The following BCR variants were observed in gnomAD, a reference collection of about 807,000 sequenced individuals.
BCR encodes BCR activator of RhoGEF and GTPase, also known as breakpoint cluster region protein.
In BCR, 58 loss-of-function variants were observed where a neutral mutation model predicts 138.6. That is an observed-to-expected ratio of 0.42 (90% CI 0.34 to 0.52). BCR has a LOEUF of 0.52. Ranked by LOEUF, BCR falls within the 20% of genes least tolerant of loss-of-function variation. BCR has a pLI of 0.06. For missense variants in BCR, 1,599 were observed against 1,727.2 expected (o/e 0.93, Z 1.32); for synonymous variants, 786 against 730.1 (o/e 1.08, Z -1.23).
intron 1 of BCR, among the ~76,000 whole-genome samples, chr22:23,214,831 A>G (rs1351376472): frequency 6.6e-6 from 1 of 152,206 alleles, no homozygotes; most frequent in Non-Finnish European, 1.5e-5. Context: ...TACATAATGT[A>G]AAATTTACCA....
intron 16 of BCR, among the ~76,000 whole-genome samples, chr22:23,296,150 G>A (rs991835204): frequency 1.1e-4 from 17 of 151,980 alleles, no homozygotes; most frequent in Middle Eastern, 3.2e-3. Flanking sequence ...CGAGGTGGGC[G>A]GATCACGAGG....
intron 4 of BCR, chr22:23,263,761 T>C: frequency 7.0e-7 from 1 of 1,425,932 alleles, no homozygotes. Flanking sequence ...GGGCATCATA[T>C]CATTGTGAGT....
At chr22:23,313,547 A>AG (rs1167516059) in intron 20 of BCR, among the ~76,000 whole-genome samples, 1 of 152,162 alleles carries the variant, frequency 6.6e-6, no homozygotes, top group African/African-American at 2.4e-5. Context: ...CAGGACGACG[A>AG]GGGGGTCTCT....
At chr22:23,273,012 C>G in intron 6 of BCR, 69 bp from the exon 7 acceptor site, 1 of 1,553,074 alleles carries the variant, frequency 6.4e-7, no homozygotes, top group African/African-American at 1.4e-5. Flanking sequence ...ACCCTTGCAC[C>G]GAGGGTGGTC....
At chr22:23,212,850 C>A (rs1382424716) in intron 1 of BCR, among the ~76,000 whole-genome samples, 1 of 152,244 alleles carries the variant, frequency 6.6e-6, no homozygotes, top group Non-Finnish European at 1.5e-5. Context: ...AAGCTGCACA[C>A]CCTGTTCTGA....
At chr22:23,223,431 T>G (rs533847788) in intron 1 of BCR, among the ~76,000 whole-genome samples, 23 of 152,278 alleles carry the variant, frequency 1.5e-4, no homozygotes, top group African/African-American at 4.8e-4. Flanking sequence ...TTGGGCTTTG[T>G]GTACATTTCT....
rs1162191150 is a variant in BCR at position 23,185,254 on chromosome 22, A to G, written c.1279+3015A>G. Among the ~76,000 whole-genome samples, 4 of 152,064 alleles carry G rather than the reference A, an allele frequency of 2.6e-5. No homozygotes were observed. The South Asian group carries it at 6.2e-4, about 24-fold the overall frequency. ...GTGGCCCTGCGGTGTTCTTCCCACT[A>G]CCCCACACTGCTACCTGCAAAGCAC... On this transcript the variant is annotated intron_variant, in intron 1 of 22. Coordinates refer to ENST00000305877, the MANE Select transcript of BCR (RefSeq NM_004327.4).
chr22:23,300,916 T>C (rs2073895956), intron 16 of BCR, among the ~76,000 whole-genome samples: 2 of 152,066 alleles, frequency 1.3e-5, no homozygotes. Flanking sequence ...GCAAGACACA[T>C]AAATAGAGCA....
chr22:23,301,907 G>A (rs929825447), intron 16 of BCR, among the ~76,000 whole-genome samples: 3 of 152,190 alleles, frequency 2.0e-5, no homozygotes, highest in African/African-American at 7.2e-5. Flanking sequence ...CACCCGACTT[G>A]GGTCCTCTTG....
rs1334859608 is a variant in BCR, at chr22:23,240,343, GTC to G, written c.1280-13454_1280-13453del. On this transcript the variant is annotated intron_variant, in intron 1 of 22. Coordinates refer to ENST00000305877, the MANE Select transcript of BCR (RefSeq NM_004327.4). ...TGTGTGTGTGTGTGTGTGTGTGTGT[GTC>G]TGTCTATGTGTGAAAATATACATAG... Among the ~76,000 whole-genome samples, 21 of 137,950 alleles carry G rather than the reference GTC, an allele frequency of 1.5e-4. 1 individual carries two copies. The South Asian group carries it at 3.2e-3, about 21-fold the overall frequency. The allele number at this position is 137,950 out of a possible 152,430, so 90.5% of individuals were successfully genotyped here. A position where few individuals can be genotyped will look rare whatever the true frequency, so the allele number is the denominator to read the frequency against.
In BCR at chr22:23,315,476, C is replaced by T. The variant is rs1602139738; in HGVS notation, c.3770C>T (p.Ala1257Val). 6.2e-7 allele frequency: 1 copy of T among 1,613,068 alleles called. No homozygotes were observed. The highest frequency in any genetic ancestry group is 8.5e-7 in the Non-Finnish European group (1 of 1,180,004). Residue 1257 changes from alanine (A) to valine (V), a missense_variant, in exon 23 of 23, where the codon GCC becomes GTC. Coordinates refer to ENST00000305877, the MANE Select transcript of BCR (RefSeq NM_004327.4). ...LYFLQLEAIPAPDSKRQSILF... is the reference protein window; with the variant it reads ...LYFLQLEAIPVPDSKRQSILF... Reference sequence around the variant, plus strand: ...TTCCTGCAGCTGGAGGCCATCCCTGCCCCGGACAGCAAGAGACAGAGCATC... The same window carrying T: ...TTCCTGCAGCTGGAGGCCATCCCTGTCCCGGACAGCAAGAGACAGAGCATC...
At chr22:23,241,904 C>T (rs2073097097) in intron 1 of BCR, among the ~76,000 whole-genome samples, 1 of 152,096 alleles carries the variant, frequency 6.6e-6, no homozygotes, top group African/African-American at 2.4e-5. Flanking sequence ...TGGCCTGAAG[C>T]CTGAGGCTCC....
At chr22:23,263,346 T>C in intron 4 of BCR, 1 of 1,196,090 alleles carries the variant, frequency 8.4e-7, no homozygotes, top group Non-Finnish European at 1.2e-6. Flanking sequence ...CCAGATAGCC[T>C]GGGCCTCGCT....
chr22:23,268,640 G>C, intron 5 of BCR, 125 bp downstream of exon 5: 1 of 861,980 alleles, frequency 1.2e-6, no homozygotes, highest in Non-Finnish European at 1.9e-6. Context: ...TCCAGATTCT[G>C]TTGGGTTCGT....
chr22:23,245,250 A>C (rs984486172), intron 1 of BCR, among the ~76,000 whole-genome samples: 1 of 152,174 alleles, frequency 6.6e-6, no homozygotes, highest in Admixed American at 6.5e-5. Flanking sequence ...TCAAGGCATC[A>C]GGGAGCAGGA....
At chr22:23,263,360 C>T (rs2073395024) in intron 4 of BCR, 2 of 1,216,460 alleles carry the variant, frequency 1.6e-6, no homozygotes, top group Non-Finnish European at 1.2e-6. Context: ...CCTCGCTCAA[C>T]TCCGGCTTCA....
rs567775066 is a variant in BCR at position 23,253,956 on chromosome 22, G to A, written c.1437G>A (p.Ser479=). The stretch of plus-strand genomic sequence containing the variant: ...GGGGCAGCCGGGATGCGCTGGTCTC[G>A]GGAGCCCTGGAGTCCACTAAAGCGG... The part of the protein sequence containing the change: ...KGRGSRDALV[S]GALESTKASE... Residue 479 remains serine, a synonymous_variant, in exon 2 of 23, where the codon TCG becomes TCA. Transcript: ENST00000305877. 61 of 1,612,634 alleles carry A rather than the reference G, an allele frequency of 3.8e-5. No individual in the cohort carries two copies. The highest frequency in any genetic ancestry group is 4.7e-5 in the Non-Finnish European group (55 of 1,179,820).
chr22:23,286,544 T>C (rs1021104548), intron 10 of BCR, among the ~76,000 whole-genome samples: 2 of 152,212 alleles, frequency 1.3e-5, no homozygotes, highest in Admixed American at 6.5e-5. Flanking sequence ...AGCTGAGCCC[T>C]ATTGACTGTT....
At chr22:23,273,874 C>G in intron 8 of BCR, 100 bp downstream of exon 8, 1 of 1,500,416 alleles carries the variant, frequency 6.7e-7, no homozygotes, top group East Asian at 2.3e-5. Flanking sequence ...TGGTCCTCAG[C>G]AGACCTTGCC....
Sources: gnomAD v4.1 joint callset for allele counts (sites outside exome capture counted in the v4.1 genomes callset) on GRCh38, gnomAD v4.1.1 for gene constraint, MANE v1.5 for transcripts, NCBI Gene and HGNC (gene_info 2026-07-23, HGNC 2026-07-21) for gene names.